FOXO3: variants seen among roughly 807,000 people sequenced by gnomAD.
FOXO3 encodes forkhead box protein O3.
FOXO3 carries 4 observed loss-of-function variants against 41.9 expected under a neutral mutation model. The ratio of observed to expected loss-of-function variants is 0.10; its 90% CI spans 0.05 to 0.22. The LOEUF is 0.22. FOXO3 is among the 10% of genes least tolerant of loss of function. The pLI, the probability that FOXO3 is intolerant of heterozygous loss-of-function variation, is 1.00. For synonymous variants in FOXO3, 318 were observed against 389.3 expected (o/e 0.82, Z 2.16); for missense variants, 534 against 906.8 (o/e 0.59, Z 5.28).
chr6:108,581,631 G>A (rs536332007), intron 1 of FOXO3, among the ~76,000 whole-genome samples: 1 of 152,250 alleles, frequency 6.6e-6, no homozygotes, highest in Admixed American at 6.5e-5. Context: ...GAAGGAAAAG[G>A]AGGAAAGCAA....
At chr6:108,661,542 C>T (rs951015895) in intron 1 of FOXO3, among the ~76,000 whole-genome samples, 3 of 152,148 alleles carry the variant, frequency 2.0e-5, no homozygotes, top group Non-Finnish European at 2.9e-5. Flanking sequence ...TGAACTCTCT[C>T]CACCATGGAC....
intron 2 of FOXO3, among the ~76,000 whole-genome samples, chr6:108,669,298 T>C (rs1289441575): frequency 1.3e-5 from 2 of 152,232 alleles, no homozygotes; most frequent in East Asian, 3.9e-4. Context: ...CCAAAAGGAG[T>C]AAATCTTTGA....
intron 1 of FOXO3, among the ~76,000 whole-genome samples, chr6:108,599,766 G>A (rs568665972): frequency 1.3e-5 from 2 of 152,192 alleles, no homozygotes; most frequent in African/African-American, 2.4e-5. Flanking sequence ...ATATATCATC[G>A]TTTCTGTTAA....
intron 1 of FOXO3, among the ~76,000 whole-genome samples, chr6:108,619,981 C>G (rs1777622185): frequency 6.6e-6 from 1 of 152,126 alleles, no homozygotes; most frequent in Non-Finnish European, 1.5e-5. Flanking sequence ...CCTGTCTGTC[C>G]TTACAGGTTA....
At chr6:108,651,558 A>G (rs1412362354) in intron 1 of FOXO3, among the ~76,000 whole-genome samples, 2 of 152,228 alleles carry the variant, frequency 1.3e-5, no homozygotes, top group Non-Finnish European at 2.9e-5. Context: ...CTGAAGAGCT[A>G]GAAGCAGTTG....
chr6:108,575,628 TTA>T (rs1776241776), intron 1 of FOXO3, among the ~76,000 whole-genome samples: 1 of 152,224 alleles, frequency 6.6e-6, no homozygotes, highest in Non-Finnish European at 1.5e-5. Context: ...AAGGACTTGT[TTA>T]TCTCATCCTT....
At chr6:108,636,811 G>A (rs546220648) in intron 1 of FOXO3, among the ~76,000 whole-genome samples, 24 of 152,306 alleles carry the variant, frequency 1.6e-4, no homozygotes, top group African/African-American at 5.5e-4. Context: ...AGGACTTCAT[G>A]TTCTGTGTCC....
At chr6:108,659,755 A>T (rs1778790780) in intron 1 of FOXO3, among the ~76,000 whole-genome samples, 1 of 152,134 alleles carries the variant, frequency 6.6e-6, no homozygotes, top group Non-Finnish European at 1.5e-5. Context: ...TTTTTACCAC[A>T]TGCCCTTGTA....
At chr6:108,639,280 G>A (rs1262619739) in intron 1 of FOXO3, among the ~76,000 whole-genome samples, 4 of 152,062 alleles carry the variant, frequency 2.6e-5, no homozygotes, top group Non-Finnish European at 5.9e-5. Context: ...CTCTTTCCTG[G>A]ACCTCTTTGG....
intron 1 of FOXO3, among the ~76,000 whole-genome samples, chr6:108,567,122 T>G (rs1167465247): frequency 1.3e-5 from 2 of 152,246 alleles, no homozygotes; most frequent in Admixed American, 6.5e-5. Flanking sequence ...TTGTCATTGC[T>G]GCCTATTCCC....
At chr6:108,596,742 A>G (rs750524036) in intron 1 of FOXO3, among the ~76,000 whole-genome samples, 6 of 152,206 alleles carry the variant, frequency 3.9e-5, no homozygotes, top group Non-Finnish European at 8.8e-5. Context: ...AAGGATCTGG[A>G]AAATACTTAA....
intron 2 of FOXO3, among the ~76,000 whole-genome samples, chr6:108,677,826 A>T (rs1770675633): frequency 6.6e-6 from 1 of 152,158 alleles, no homozygotes; most frequent in Non-Finnish European, 1.5e-5. Flanking sequence ...GTCTTCACAG[A>T]TGCTGAGATC....
intron 1 of FOXO3, among the ~76,000 whole-genome samples, chr6:108,661,214 C>T (rs1166493544): frequency 6.6e-6 from 1 of 152,060 alleles, no homozygotes; most frequent in East Asian, 1.9e-4. Context: ...TGCACTCCAG[C>T]CTGGGTGACA....
At chr6:108,619,654 C>T (rs1777612230) in intron 1 of FOXO3, among the ~76,000 whole-genome samples, 1 of 152,190 alleles carries the variant, frequency 6.6e-6, no homozygotes, top group Non-Finnish European at 1.5e-5. Flanking sequence ...ATAGTCATAT[C>T]TGTATTTTTT....
intron 1 of FOXO3, among the ~76,000 whole-genome samples, chr6:108,618,455 A>G (rs1777576171): frequency 6.6e-6 from 1 of 152,210 alleles, no homozygotes; most frequent in African/African-American, 2.4e-5. Flanking sequence ...ATTCTTTTCA[A>G]AAGCGCTAGA....
At chr6:108,628,268 A>G (rs1777868077) in intron 1 of FOXO3, among the ~76,000 whole-genome samples, 1 of 152,208 alleles carries the variant, frequency 6.6e-6, no homozygotes, top group African/African-American at 2.4e-5. Context: ...TGGTTTCAGA[A>G]TCCAGTTTTG....
Position 108,663,762 on chromosome 6 carries a change from G to A in FOXO3, c.929G>A (p.Arg310His), listed in dbSNP as rs996799635. 3.1e-6 allele frequency: 5 copies of A among 1,613,880 alleles called. No individual in the cohort carries two copies. Among genetic ancestry groups the A allele is most frequent in the Non-Finnish European group, 4.2e-6 (5 of 1,179,826 alleles). ...SDELDAWTDFRSRTNSNASTV... is the reference protein window; with the variant it reads ...SDELDAWTDFHSRTNSNASTV... ...GAGCTGGATGCGTGGACGGACTTCC[G>A]TTCACGCACCAATTCTAACGCCAGC... Residue 310 changes from arginine to histidine, a missense_variant, in exon 2 of 3, where the codon CGT (arginine) becomes CAT (histidine). Arg to His is a conservative substitution (Grantham distance 29). Transcript: ENST00000406360.
At chr6:108,643,382 T>C (rs923381829) in intron 1 of FOXO3, among the ~76,000 whole-genome samples, 2 of 152,196 alleles carry the variant, frequency 1.3e-5, no homozygotes, top group African/African-American at 4.8e-5. Context: ...TACCTTAGGT[T>C]ACTTAATGTT....
chr6:108,599,006 C>T (rs894156326), intron 1 of FOXO3, among the ~76,000 whole-genome samples: 1 of 152,170 alleles, frequency 6.6e-6, no homozygotes, highest in African/African-American at 2.4e-5. Context: ...AAAAAGATTG[C>T]TAACACTTAT....
Sources: allele counts gnomAD v4.1 joint callset (sites outside exome capture counted in the v4.1 genomes callset), GRCh38; gene constraint gnomAD v4.1.1; transcripts MANE v1.5; gene names NCBI Gene and HGNC (gene_info 2026-07-23, HGNC 2026-07-21).